Variants in PLCB4 observed in about 807,000 individuals in gnomAD.
The protein encoded by PLCB4 is phospholipase C beta 4.
In PLCB4, 77 loss-of-function variants were observed where a neutral mutation model predicts 178.8. That is an observed-to-expected ratio of 0.43 (90% CI 0.36 to 0.52). The LOEUF is 0.52. Ranked by LOEUF, PLCB4 falls within the 20% of genes least tolerant of loss-of-function variation. PLCB4 has a pLI of 0.00. For missense variants in PLCB4, 1,024 were observed against 1,453.4 expected, an observed-to-expected ratio of 0.70 and a Z score of 4.80; for synonymous variants, 496 against 490.8, an observed-to-expected ratio of 1.01 and a Z score of -0.14.
chr20:9,405,296 T>C lies in PLCB4; in HGVS notation c.1612-17T>C. 12 of 1,488,968 alleles carry C rather than the reference T, an allele frequency of 8.1e-6. No individual in the cohort carries two copies. Among genetic ancestry groups the C allele is most frequent in the Non-Finnish European group, 1.1e-5 (12 of 1,092,142 alleles). 92.2% of individuals were successfully genotyped at this position (1,488,968 alleles called of 1,614,324 possible). On this transcript the variant is annotated splice_polypyrimidine_tract_variant and intron_variant, in intron 20 of 39. Coordinates refer to ENST00000378473, the MANE Select transcript of PLCB4 (RefSeq NM_001377142.1). ...CCCTTTAGAGAAGTAAACAAATTAT[T>C]TCCTTTCTCTAATTAGGCTTCAGAT... is the stretch of plus-strand genomic sequence containing the variant.
chr20:9,410,653 A>C (rs544961581), intron 24 of PLCB4, among the ~76,000 whole-genome samples: 1 of 152,208 alleles, frequency 6.6e-6, no homozygotes, highest in South Asian at 2.1e-4. Flanking sequence ...TTTTAAATCA[A>C]GTTTCATATT....
chr20:9,454,370 G>A (rs1236863306), intron 33 of PLCB4, among the ~76,000 whole-genome samples: 1 of 152,024 alleles, frequency 6.6e-6, no homozygotes, highest in African/African-American at 2.4e-5. Flanking sequence ...AATACTTTGG[G>A]GAAAATTCCA....
chr20:9,447,722 T>C (rs939990710), intron 32 of PLCB4, among the ~76,000 whole-genome samples: 1 of 152,250 alleles, frequency 6.6e-6, no homozygotes, highest in Non-Finnish European at 1.5e-5. Context: ...CTTCATTAAA[T>C]CATCTAGTTT....
intron 3 of PLCB4, among the ~76,000 whole-genome samples, chr20:9,259,030 A>T (rs2094269240): frequency 6.6e-6 from 1 of 152,224 alleles, no homozygotes; most frequent in African/African-American, 2.4e-5. Context: ...GTTATTTGGC[A>T]AATCTTTTAA....
At position 9,245,761 on chromosome 20, in the gene PLCB4, A is replaced by C. The variant is rs186547491; in HGVS notation, c.-16+28309A>C. ...GGTTTTTTTTTTTTCCAGCCTCCCG[A>C]GTAGCTGGGACTCCAGGCACATGCC... On this transcript the variant is annotated intron_variant, in intron 3 of 39. Coordinates refer to ENST00000378473, the MANE Select transcript of PLCB4 (RefSeq NM_001377142.1). Among the ~76,000 whole-genome samples the C allele has an allele frequency of 7.0e-3, 1,055 of 151,152 alleles. 15 individuals carry two copies. Among genetic ancestry groups the C allele is most frequent in the African/African-American group, 0.025 (1,015 of 41,062 alleles).
intron 1 of PLCB4, among the ~76,000 whole-genome samples, chr20:9,089,149 G>A (rs2090567020): frequency 6.6e-6 from 1 of 151,818 alleles, no homozygotes; most frequent in Admixed American, 6.6e-5. Context: ...GTACAAAATA[G>A]CCTTAAAAGA....
chr20:9,300,136 T>G (rs1156524791), intron 3 of PLCB4, among the ~76,000 whole-genome samples: 1 of 152,166 alleles, frequency 6.6e-6, no homozygotes, highest in East Asian at 1.9e-4. Flanking sequence ...TAAGGATATC[T>G]TATTTAAAGA....
At chr20:9,326,851 C>T (rs559663673) in intron 4 of PLCB4, among the ~76,000 whole-genome samples, 1 of 152,136 alleles carries the variant, frequency 6.6e-6, no homozygotes, top group East Asian at 1.9e-4. Flanking sequence ...CTCTGGGTTT[C>T]CCTTATGCTT....
At position 9,479,664 on chromosome 20, in the gene PLCB4, C is replaced by T. The variant is rs1292731760; in HGVS notation, c.*655C>T. 2 of 152,670 alleles carry T rather than the reference C, an allele frequency of 1.3e-5. No homozygotes were observed. The highest frequency in any genetic ancestry group is 2.1e-4 in the South Asian group (1 of 4,836). The allele number at this position is 152,670 out of a possible 1,614,324, so 9.5% of individuals were successfully genotyped here. ...TGTTAGGCACATTTAAGAAAGTTTA[C>T]ATCTGACATTGCTTTATAGGAATTG... On this transcript the variant is annotated 3_prime_UTR_variant, in exon 40 of 40. Coordinates refer to ENST00000378473, the MANE Select transcript of PLCB4 (RefSeq NM_001377142.1).
At chr20:9,332,386 T>G (rs1009836240) in intron 4 of PLCB4, among the ~76,000 whole-genome samples, 10 of 151,976 alleles carry the variant, frequency 6.6e-5, no homozygotes, top group African/African-American at 2.4e-4. Flanking sequence ...GTAGGGTTAT[T>G]ATGTTTGTTA....
At chr20:9,201,639 T>C (rs1404328936) in intron 2 of PLCB4, among the ~76,000 whole-genome samples, 2 of 152,164 alleles carry the variant, frequency 1.3e-5, no homozygotes, top group African/African-American at 4.8e-5. Flanking sequence ...ACTCTAACAT[T>C]TGACAGATTG....
intron 1 of PLCB4, among the ~76,000 whole-genome samples, chr20:9,095,889 T>A (rs765427589): frequency 1.3e-5 from 2 of 151,984 alleles, no homozygotes; most frequent in African/African-American, 4.8e-5. Flanking sequence ...ATTTTCCCAC[T>A]GGAAAAGCAG....
At chr20:9,380,834 C>T (rs1195214468) in intron 13 of PLCB4, among the ~76,000 whole-genome samples, 5 of 152,094 alleles carry the variant, frequency 3.3e-5, no homozygotes, top group Admixed American at 3.3e-4. Context: ...GAGCCTTTGG[C>T]GTTATGTCTC....
chr20:9,170,924 T>C (rs556841365), intron 2 of PLCB4, among the ~76,000 whole-genome samples: 6 of 152,314 alleles, frequency 3.9e-5, no homozygotes, highest in South Asian at 2.1e-4. Context: ...GCGGTAGGGA[T>C]ATGGTCAAAA....
chr20:9,283,422 ATCT>A (rs1248806288), intron 3 of PLCB4, among the ~76,000 whole-genome samples: 4 of 151,888 alleles, frequency 2.6e-5, no homozygotes, highest in African/African-American at 4.8e-5. Flanking sequence ...CTGAAGGCTG[ATCT>A]TCTAATAGGT....
chr20:9,400,360 AAC>A (rs1476817952), intron 19 of PLCB4, among the ~76,000 whole-genome samples: 9 of 152,246 alleles, frequency 5.9e-5, no homozygotes, highest in Admixed American at 6.5e-5. Flanking sequence ...TCAGTTGAAG[AAC>A]ACACTGCAAT....
intron 23 of PLCB4, 67 bp from the exon 24 acceptor site, chr20:9,408,990 A>G: frequency 1.4e-6 from 2 of 1,446,602 alleles, no homozygotes; most frequent in Non-Finnish European, 1.9e-6. Context: ...TTGTTGTTTT[A>G]GCTCTTTGTT....
chr20:9,080,413 GC>G (rs11362090), intron 1 of PLCB4, among the ~76,000 whole-genome samples: 19,408 of 152,180 alleles, frequency 0.13, 1,298 homozygotes, highest in Middle Eastern at 0.19. Context: ...GTCATTAGCA[GC>G]TACTACTTTG....
chr20:9,311,362 AC>A (rs1378955917), intron 4 of PLCB4, among the ~76,000 whole-genome samples: 1 of 152,178 alleles, frequency 6.6e-6, no homozygotes, highest in Non-Finnish European at 1.5e-5. Context: ...TATAAAGTAG[AC>A]TTTTTACTGA....
Sources: allele counts gnomAD v4.1 joint callset (sites outside exome capture counted in the v4.1 genomes callset), GRCh38; gene constraint gnomAD v4.1.1; transcripts MANE v1.5; gene names NCBI Gene and HGNC (gene_info 2026-07-23, HGNC 2026-07-21).